The following FAM50A variants were observed in gnomAD, a reference collection of about 807,000 sequenced individuals.
FAM50A encodes family with sequence similarity 50 member A.
A neutral mutation model predicts 35.5 loss-of-function variants in FAM50A; 6 were observed. The observed-to-expected ratio is 0.17, with a 90% confidence interval of 0.09 to 0.33. The LOEUF (loss-of-function observed/expected upper bound fraction) is 0.33. Ranked by LOEUF, FAM50A falls within the 10% of genes least tolerant of loss-of-function variation. FAM50A has a pLI of 1.00. For missense variants in FAM50A, 145 were observed against 295.5 expected (o/e 0.49, Z 3.73); for synonymous variants, 120 against 110.9 (o/e 1.08, Z -0.52).
intron 7 of FAM50A, 60 bp from the exon 8 acceptor site, chrX:154,449,161 T>G: frequency 9.4e-7 from 1 of 1,058,307 alleles, no homozygotes; most frequent in Non-Finnish European, 1.3e-6. Context: ...CTCTGCCTTG[T>G]TGAGAGCCCT....
intron 2 of FAM50A, 46 bp downstream of exon 2, chrX:154,445,763 TC>T: frequency 1.7e-6 from 2 of 1,190,053 alleles, no homozygotes; most frequent in Non-Finnish European, 1.1e-6. Flanking sequence ...GGGCCACTCT[TC>T]CGCTGGCCCT....
intron 1 of FAM50A, chrX:154,445,335 C>T (rs1169341985): frequency 3.5e-5 from 12 of 347,067 alleles, no homozygotes; most frequent in African/African-American, 5.2e-5. Context: ...GCTTGGGTCT[C>T]GGAAGCTTCA....
At chrX:154,445,991 TG>T (rs1323697983) in intron 3 of FAM50A, 80 bp downstream of exon 3, 17 of 734,445 alleles carry the variant, frequency 2.3e-5, no homozygotes, top group Admixed American at 5.4e-5. Flanking sequence ...TTTTGCACCC[TG>T]GGGGGGACCC....
At position 154,448,072 on chromosome X, in the gene FAM50A, C is replaced by CTTTTTTTTTTTTTTTTTTTTTTTTTT. The variant is rs781847663; in HGVS notation, c.443-398_443-397insTTTTTTTTTTTTTTTTTTTTTTTTTT. On this transcript the variant is annotated intron_variant, in intron 4 of 12. Transcript: ENST00000393600. The stretch of plus-strand genomic sequence containing the variant: ...TGTTGTTCTTTTCTTTTTTTTCTTT[C>CTTTTTTTTTTTTTTTTTTTTTTTTTT]TTTTTTTTTTTTTTGAGATGAGGTC... 3.1e-4 allele frequency among the ~76,000 whole-genome samples: 26 copies of CTTTTTTTTTTTTTTTTTTTTTTTTTT among 82,842 alleles called. 1 individual carries two copies. Among genetic ancestry groups the CTTTTTTTTTTTTTTTTTTTTTTTTTT allele is most frequent in the African/African-American group, 4.4e-4 (8 of 18,020 alleles). The allele number at this position is 82,842 out of a possible 115,157, so 71.9% of individuals were successfully genotyped here. A position where few individuals can be genotyped will look rare whatever the true frequency, so the allele number is the denominator to read the frequency against.
At chrX:154,445,472 A>G in intron 1 of FAM50A, 161 bp from the exon 2 acceptor site, 5 of 476,659 alleles carry the variant, frequency 1.0e-5, no homozygotes, top group Non-Finnish European at 1.5e-5. Flanking sequence ...AAACAGCCCC[A>G]TTTGGCACTC....
intron 9 of FAM50A, 32 bp from the exon 10 acceptor site, chrX:154,449,851 C>T (rs1388797102): frequency 8.3e-7 from 1 of 1,206,836 alleles, no homozygotes; most frequent in African/African-American, 1.8e-5. Flanking sequence ...GATGGACCAT[C>T]AAGACGCCGC....
At position 154,450,308 on chromosome X, in the gene FAM50A, G is replaced by A; in HGVS notation, c.1000G>A (p.Asp334Asn). ...ACCCTACGACCCTGAAAAGAAGTGG[G>A]ACAAGTACACGGTGAGGAGGGGCTG... The part of the protein sequence containing the change: ...WEPYDPEKKW[D>N]KYTIR Residue 334 changes from aspartate to asparagine, a missense_variant, in exon 12 of 13, where the codon GAC becomes AAC. Asp to Asn is a conservative substitution (Grantham distance 23, BLOSUM62 1). This residue lies in a region of FAM50A where 59 missense variants were observed against 164.5 expected (regional missense o/e 0.36). Transcript: ENST00000393600. 8.3e-7 allele frequency: 1 copy of A among 1,210,476 alleles called. No homozygotes were observed. Among genetic ancestry groups the A allele is most frequent in the Non-Finnish European group, 1.1e-6 (1 of 894,169 alleles).
chrX:154,445,998 G>T (rs183908507), intron 3 of FAM50A, 87 bp downstream of exon 3: 219 of 684,971 alleles, frequency 3.2e-4, no homozygotes, highest in Non-Finnish European at 4.5e-4. Context: ...CCCTGGGGGG[G>T]ACCCTGTCTC....
intron 8 of FAM50A, 88 bp from the exon 9 acceptor site, chrX:154,449,593 G>T (rs2068796520): frequency 1.2e-6 from 1 of 842,148 alleles, no homozygotes; most frequent in South Asian, 2.3e-5. Context: ...CCCAGCCCCA[G>T]CATGGGCTCT....
Position 154,446,571 on chromosome X carries a change from G to T in FAM50A, c.442+11G>T. On this transcript the variant is annotated intron_variant, in intron 4 of 12. Transcript: ENST00000393600. Reference sequence around the variant, plus strand: ...AGATGGAAAGGGAAGGTGAGGGCTGGCTTGAGTCGGAGCCCCGCCCGCAGC... The same window carrying T: ...AGATGGAAAGGGAAGGTGAGGGCTGTCTTGAGTCGGAGCCCCGCCCGCAGC... 2 of 1,140,490 alleles carry T rather than the reference G, an allele frequency of 1.8e-6. No homozygotes were observed. The highest frequency in any genetic ancestry group is 2.3e-6 in the Non-Finnish European group (2 of 857,885). The allele number at this position is 1,140,490 out of a possible 1,213,427, so 94.0% of individuals were successfully genotyped here.
rs2068796996 is a variant in FAM50A, at chrX:154,449,670, TCCTC to T, written c.726-6_726-3del. Reference sequence around the variant, plus strand: ...TCCTCTTGCCCACGCCCTCCTGCCTTCCTCCCTCAGGTCCGCAGGGGTGGAGCAG... The same window carrying T: ...TCCTCTTGCCCACGCCCTCCTGCCTTCCTCAGGTCCGCAGGGGTGGAGCAG... On this transcript the variant is annotated splice_region_variant and splice_polypyrimidine_tract_variant and intron_variant, in intron 8 of 12. Transcript: ENST00000393600. 1 of 1,207,856 alleles carries T rather than the reference TCCTC, an allele frequency of 8.3e-7. No individual in the cohort carries two copies. The highest frequency in any genetic ancestry group is 3.0e-5 in the East Asian group (1 of 33,817).
At chrX:154,445,535 C>A in intron 1 of FAM50A, 98 bp from the exon 2 acceptor site, 1 of 657,931 alleles carries the variant, frequency 1.5e-6, no homozygotes, top group Non-Finnish European at 2.5e-6. Flanking sequence ...TCGACAAGGG[C>A]ACAGGGGCAG....
intron 3 of FAM50A, 79 bp downstream of exon 3, chrX:154,445,990 C>T (rs1325366630): frequency 1.4e-6 from 1 of 736,885 alleles, no homozygotes; most frequent in Non-Finnish European, 2.1e-6. Flanking sequence ...TTTTTGCACC[C>T]TGGGGGGGAC....
rs1378741432 is a variant in FAM50A at position 154,444,172 on chromosome X, G to A, written c.-64G>A. 2 of 385,466 alleles carry A rather than the reference G, an allele frequency of 5.2e-6. No individual in the cohort carries two copies. Among genetic ancestry groups the A allele is most frequent in the Non-Finnish European group, 6.6e-6 (2 of 302,469 alleles). The allele number at this position is 385,466 out of a possible 1,213,427, so 31.8% of individuals were successfully genotyped here. A position where few individuals can be genotyped will look rare whatever the true frequency, so the allele number is the denominator to read the frequency against. On this transcript the variant is annotated 5_prime_UTR_variant, in exon 1 of 13. Transcript: ENST00000393600. ...CTGTTCGGCCGCCACCGCCGCTGCC[G>A]CTGCCGCTGTCGCTGTCGCCGCCGC... is the stretch of plus-strand genomic sequence containing the variant.
Position 154,446,696 on chromosome X carries a change from A to C in FAM50A, c.442+136A>C, listed in dbSNP as rs2068783959. On this transcript the variant is annotated intron_variant, in intron 4 of 12. Coordinates refer to ENST00000393600, the MANE Select transcript of FAM50A (RefSeq NM_004699.4). ...CCTCTTGAGGCACCGCGCACAGTAGACCGGGGAGGGAAGAGGCTGGTCTAG... is the reference window on the plus strand; with the variant it reads ...CCTCTTGAGGCACCGCGCACAGTAGCCCGGGGAGGGAAGAGGCTGGTCTAG... 28 of 904,140 alleles carry C rather than the reference A, an allele frequency of 3.1e-5. 1 individual carries two copies. In the South Asian group the frequency reaches 7.9e-4, roughly 26 times the overall value. 74.5% of individuals were successfully genotyped at this position (904,140 alleles called of 1,213,427 possible). A position where few individuals can be genotyped will look rare whatever the true frequency, so the allele number is the denominator to read the frequency against.
chrX:154,446,778 C>T (rs2068784245), intron 4 of FAM50A, among the ~76,000 whole-genome samples: 1 of 112,191 alleles, frequency 8.9e-6, no homozygotes, highest in African/African-American at 3.2e-5. Flanking sequence ...TCTGTGCCAC[C>T]CAATATGGTA....
At chrX:154,444,412 C>T in intron 1 of FAM50A, 66 bp downstream of exon 1, 1 of 723,580 alleles carries the variant, frequency 1.4e-6, no homozygotes, top group Non-Finnish European at 1.9e-6. Context: ...CGCCACGCTC[C>T]GGCCCTGGAA....
In FAM50A at chrX:154,449,661, C is replaced by T; in HGVS notation, c.726-20C>T. On this transcript the variant is annotated intron_variant, in intron 8 of 12. Coordinates refer to ENST00000393600, the MANE Select transcript of FAM50A (RefSeq NM_004699.4). ...GGGGTGCTGTCCTCTTGCCCACGCC[C>T]TCCTGCCTTCCTCCCTCAGGTCCGC... 9 of 1,205,752 alleles carry T rather than the reference C, an allele frequency of 7.5e-6. No individual in the cohort carries two copies. Among genetic ancestry groups the T allele is most frequent in the Non-Finnish European group, 1.0e-5 (9 of 890,461 alleles).
At chrX:154,448,637 C>T (rs190898205) in intron 5 of FAM50A, 53 bp from the exon 6 acceptor site, 90 of 1,179,366 alleles carry the variant, frequency 7.6e-5, no homozygotes, top group East Asian at 3.6e-4. Context: ...CCAGGCTCTG[C>T]GTGCACCCTG....
Sources: gnomAD v4.1 joint callset for allele counts (sites outside exome capture counted in the v4.1 genomes callset) on GRCh38, gnomAD v4.1.1 for gene constraint, gnomAD v4.1.1 regional missense constraint, MANE v1.5 for transcripts, NCBI Gene and HGNC (gene_info 2026-07-23, HGNC 2026-07-21) for gene names.